Variants in GNG2 observed in about 807,000 individuals in gnomAD.
GNG2 encodes G protein subunit gamma 2, also known as guanine nucleotide-binding protein G(I)/G(S)/G(O) subunit gamma-2.
A neutral mutation model predicts 5.5 loss-of-function variants in GNG2; 5 were observed. The observed-to-expected ratio is 0.91, with a 90% CI of 0.48 to 1.92. The LOEUF is 1.92. Among genes scored for constraint, GNG2 ranks in the 30% most tolerant of loss-of-function variants. GNG2 has a pLI of 0.01. For missense variants in GNG2, 55 were observed against 88.4 expected, an observed-to-expected ratio of 0.62 and a Z score of 1.52; for synonymous variants, 28 against 32.0, an observed-to-expected ratio of 0.88 and a Z score of 0.42.
At chr14:51,850,492 C>T (rs1881853124) in intron 2 of GNG2, among the ~76,000 whole-genome samples, 1 of 152,174 alleles carries the variant, frequency 6.6e-6, no homozygotes, top group East Asian at 1.9e-4. Flanking sequence ...AATTGCTGAC[C>T]TATGGTTACT....
At chr14:51,936,604 G>A (rs1253708) in intron 2 of GNG2, among the ~76,000 whole-genome samples, 69,697 of 150,234 alleles carry the variant, frequency 0.46, 17,210 homozygotes, top group Non-Finnish European at 0.57. Flanking sequence ...AGGCTGGAGC[G>A]CAGTGGCATG....
intron 2 of GNG2, among the ~76,000 whole-genome samples, chr14:51,911,557 T>C (rs922717068): frequency 3.3e-5 from 5 of 152,074 alleles, no homozygotes; most frequent in Non-Finnish European, 7.4e-5. Flanking sequence ...TTTTTTTTTT[T>C]TTAAGAGACA....
Position 51,966,861 on chromosome 14 carries a change from G to A in GNG2, c.*174G>A, listed in dbSNP as rs1363757650. The stretch of plus-strand genomic sequence containing the variant: ...GGTCCCCTTTATGAGAATGCAAGCC[G>A]ATCCACATCCTGACTTAAGAGATCT... On this transcript the variant is annotated 3_prime_UTR_variant, in exon 4 of 4. Transcript: ENST00000556766. The A allele has an allele frequency of 1.6e-5, 8 of 499,730 alleles. No homozygotes were observed. The highest frequency in any genetic ancestry group is 3.3e-5 in the East Asian group (1 of 30,530). 31.0% of individuals were successfully genotyped at this position (499,730 alleles called of 1,614,324 possible). A position where few individuals can be genotyped will look rare whatever the true frequency, so the allele number is the denominator to read the frequency against.
At chr14:51,858,780 A>G (rs561081325), upstream of GNG2, among the ~76,000 whole-genome samples, 5 of 152,244 alleles carry the variant, frequency 3.3e-5, 2 homozygotes, top group African/African-American at 9.6e-5. Flanking sequence ...TTCATGCCCA[A>G]TCCCTCTCAC....
intron 2 of GNG2, among the ~76,000 whole-genome samples, chr14:51,892,872 A>G (rs947010692): frequency 6.6e-6 from 1 of 152,270 alleles, no homozygotes; most frequent in African/African-American, 2.4e-5. Context: ...ATACAGTTCA[A>G]TCACATGCAT....
intron 2 of GNG2, among the ~76,000 whole-genome samples, chr14:51,888,705 T>C (rs1208616253): frequency 6.6e-6 from 1 of 152,188 alleles, no homozygotes; most frequent in Non-Finnish European, 1.5e-5. Flanking sequence ...TTTACAAGAA[T>C]TGGGTATAAA....
chr14:51,864,563 A>C (rs908992860), intron 1 of GNG2, among the ~76,000 whole-genome samples: 9 of 152,220 alleles, frequency 5.9e-5, no homozygotes, highest in Non-Finnish European at 1.0e-4. Context: ...CAGAGTAAGA[A>C]AATGTGCATA....
At chr14:51,863,090 T>C (rs1882634795) in intron 1 of GNG2, among the ~76,000 whole-genome samples, 1 of 152,038 alleles carries the variant, frequency 6.6e-6, no homozygotes, top group African/African-American at 2.4e-5. Flanking sequence ...AGTGAATGTG[T>C]TTGTTTGACT....
intron 2 of GNG2, among the ~76,000 whole-genome samples, chr14:51,850,320 G>A (rs912096896): frequency 2.0e-5 from 3 of 151,988 alleles, no homozygotes; most frequent in African/African-American, 4.8e-5. Flanking sequence ...TCCCATTTGA[G>A]TTCTCTTTGC....
chr14:51,937,721 A>G (rs1384076385), intron 2 of GNG2, among the ~76,000 whole-genome samples: 2 of 118,548 alleles, frequency 1.7e-5, no homozygotes, highest in Non-Finnish European at 3.1e-5. Flanking sequence ...GGTGCGCTGC[A>G]CCCACTAATG....
At chr14:51,894,266 G>A (rs1578974) in intron 2 of GNG2, among the ~76,000 whole-genome samples, 9 of 151,974 alleles carry the variant, frequency 5.9e-5, no homozygotes, top group African/African-American at 1.9e-4. Flanking sequence ...TGCATTTCTC[G>A]ATATATAAAG....
intron 3 of GNG2, among the ~76,000 whole-genome samples, chr14:51,964,249 G>A (rs112763426): frequency 1.8e-4 from 27 of 152,232 alleles, no homozygotes; most frequent in South Asian, 1.7e-3. Flanking sequence ...ACAGATTCTC[G>A]CTCAGACCCT....
chr14:51,867,396 C>T (rs939291231), intron 1 of GNG2, among the ~76,000 whole-genome samples: 1 of 152,178 alleles, frequency 6.6e-6, no homozygotes, highest in Non-Finnish European at 1.5e-5. Flanking sequence ...CTCACCATCA[C>T]CTTTCCCACT....
At chr14:51,922,264 A>C (rs1887058442) in intron 2 of GNG2, among the ~76,000 whole-genome samples, 1 of 152,236 alleles carries the variant, frequency 6.6e-6, no homozygotes, top group Non-Finnish European at 1.5e-5. Flanking sequence ...TGGGAAAGAA[A>C]TTGCTTGTGG....
At chr14:51,874,006 C>T (rs996495017) in intron 1 of GNG2, 1 of 152,200 alleles carries the variant, frequency 6.6e-6, no homozygotes, top group African/African-American at 2.4e-5. Flanking sequence ...AAACCAAATT[C>T]TTGGGCTAGT....
intron 2 of GNG2, among the ~76,000 whole-genome samples, chr14:51,901,295 C>T (rs1885536713): frequency 6.6e-6 from 1 of 152,054 alleles, no homozygotes. Flanking sequence ...AAGCAATCCT[C>T]CCAGCTCGGC....
chr14:51,828,202 C>T (rs746383618), intron 2 of GNG2, among the ~76,000 whole-genome samples: 24 of 152,286 alleles, frequency 1.6e-4, no homozygotes, highest in Non-Finnish European at 2.4e-4. Flanking sequence ...CTGCTTTGTG[C>T]TGGGCAGGGA....
chr14:51,931,355 TAAG>T (rs1227879018), intron 2 of GNG2, among the ~76,000 whole-genome samples: 3 of 152,080 alleles, frequency 2.0e-5, no homozygotes, highest in African/African-American at 4.8e-5. Flanking sequence ...GGAAAGACTG[TAAG>T]AAGAGCAGGT....
intron 2 of GNG2, among the ~76,000 whole-genome samples, chr14:51,892,423 T>C (rs528155499): frequency 6.6e-6 from 1 of 152,214 alleles, no homozygotes; most frequent in East Asian, 1.9e-4. Flanking sequence ...GCGGTTCTCC[T>C]GCCTCTGCTG....
Sources: gnomAD v4.1 joint callset for allele counts (sites outside exome capture counted in the v4.1 genomes callset) on GRCh38, gnomAD v4.1.1 for gene constraint, MANE v1.5 for transcripts, NCBI Gene and HGNC (gene_info 2026-07-23, HGNC 2026-07-21) for gene names.